The following TMCC3 variants were observed in gnomAD, a reference collection of about 807,000 sequenced individuals.
TMCC3 encodes the protein transmembrane and coiled-coil domain protein 3.
Under a neutral mutation model 40.2 loss-of-function variants are expected in TMCC3, and 28 were observed. The observed-to-expected ratio is 0.70, with a 90% CI of 0.52 to 0.95. The LOEUF (loss-of-function observed/expected upper bound fraction) is 0.95, where lower values mean the gene tolerates loss of function less well. Among genes scored for constraint, TMCC3 ranks in the 40% least tolerant of loss-of-function variants. The pLI is 0.00. For missense variants in TMCC3, 554 were observed against 615.2 expected (o/e 0.90, Z 1.05); for synonymous variants, 255 against 248.5 (o/e 1.03, Z -0.25).
At chr12:94,578,242 A>T in intron 3 of TMCC3, 152 bp downstream of exon 3, 1 of 697,136 alleles carries the variant, frequency 1.4e-6, no homozygotes, top group East Asian at 2.7e-5. Flanking sequence ...TAGTGGGGTT[A>T]ACGTGGTACA....
chr12:94,580,896 C>G (rs747580344), intron 2 of TMCC3, among the ~76,000 whole-genome samples: 9 of 152,148 alleles, frequency 5.9e-5, no homozygotes, highest in Non-Finnish European at 1.0e-4. Context: ...GACACTATAA[C>G]GGAAGTCTAC....
At chr12:94,630,456 G>A (rs78418272) in intron 1 of TMCC3, among the ~76,000 whole-genome samples, 33 of 152,218 alleles carry the variant, frequency 2.2e-4, no homozygotes, top group African/African-American at 7.9e-4. Context: ...CTGGGTTCAG[G>A]TTCTAGCCTT....
At chr12:94,577,768 T>C (rs1054682157) in intron 3 of TMCC3, among the ~76,000 whole-genome samples, 1 of 152,164 alleles carries the variant, frequency 6.6e-6, no homozygotes, top group African/African-American at 2.4e-5. Context: ...TTGTCTCCTA[T>C]TTTTACATTT....
At chr12:94,599,987 G>A (rs563103751) in intron 1 of TMCC3, among the ~76,000 whole-genome samples, 3 of 152,228 alleles carry the variant, frequency 2.0e-5, no homozygotes, top group East Asian at 1.9e-4. Flanking sequence ...CCCAAGAGTT[G>A]GAGGCCAGCC....
chr12:94,633,269 C>T (rs1230376643), intron 1 of TMCC3, among the ~76,000 whole-genome samples: 1 of 151,660 alleles, frequency 6.6e-6, no homozygotes, highest in Non-Finnish European at 1.5e-5. Flanking sequence ...AGGAATGATA[C>T]ACAGCTTCAG....
chr12:94,624,257 G>A (rs2068890926), intron 1 of TMCC3, among the ~76,000 whole-genome samples: 1 of 152,130 alleles, frequency 6.6e-6, no homozygotes, highest in African/African-American at 2.4e-5. Context: ...ATTACCATAT[G>A]ACCCAGCAAC....
intron 1 of TMCC3, among the ~76,000 whole-genome samples, chr12:94,632,783 T>C (rs1024310747): frequency 6.6e-6 from 1 of 152,162 alleles, no homozygotes; most frequent in African/African-American, 2.4e-5. Context: ...CAGTAAAATA[T>C]GAAAATGAAG....
chr12:94,586,037 A>G lies in TMCC3; in HGVS notation c.79-3499T>C, dbSNP rs145421942. On this transcript the variant is annotated intron_variant, in intron 1 of 3. Coordinates refer to ENST00000261226, the MANE Select transcript of TMCC3 (RefSeq NM_020698.4). Reference sequence around the variant, plus strand: ...AAGACACCTTTCCATTGAGCCAAAAAATCACCTCAGAAGTTCTGCTCGCAT... The same window carrying G: ...AAGACACCTTTCCATTGAGCCAAAAGATCACCTCAGAAGTTCTGCTCGCAT... Among the ~76,000 whole-genome samples the G allele has an allele frequency of 3.8e-4, 58 of 152,280 alleles. No homozygotes were observed. In the East Asian group the frequency reaches 7.1e-3, roughly 19 times the overall value.
At chr12:94,599,570 C>CACACACA (rs1555283534) in intron 1 of TMCC3, among the ~76,000 whole-genome samples, 6 of 146,368 alleles carry the variant, frequency 4.1e-5, no homozygotes, top group East Asian at 2.0e-4. Flanking sequence ...CCCCCCCCGC[C>CACACACA]CACACACACA....
At chr12:94,641,492 G>C (rs1331613576) in intron 1 of TMCC3, among the ~76,000 whole-genome samples, 1 of 152,130 alleles carries the variant, frequency 6.6e-6, no homozygotes, top group East Asian at 1.9e-4. Context: ...TTTTTCTAGG[G>C]GGACGCTTCA....
At chr12:94,583,648 A>T (rs1241084858) in intron 1 of TMCC3, among the ~76,000 whole-genome samples, 1 of 152,244 alleles carries the variant, frequency 6.6e-6, no homozygotes, top group Non-Finnish European at 1.5e-5. Flanking sequence ...CTCTAAAAGG[A>T]AAAGGCAGAA....
intron 3 of TMCC3, among the ~76,000 whole-genome samples, chr12:94,574,764 G>A (rs774695959): frequency 2.0e-5 from 3 of 152,140 alleles, no homozygotes; most frequent in Non-Finnish European, 4.4e-5. Context: ...TCAACTACTT[G>A]GGTCCAAGGT....
At chr12:94,627,302 T>C (rs1490756465) in intron 1 of TMCC3, among the ~76,000 whole-genome samples, 2 of 152,186 alleles carry the variant, frequency 1.3e-5, no homozygotes, top group African/African-American at 4.8e-5. Flanking sequence ...CATGCACAGC[T>C]GTCAGCACAC....
rs145098469 is a variant in TMCC3 at position 94,577,976 on chromosome 12, G to A, written c.1131+418C>T. ...AGCCTGGCCAACATGGTGAAACCCC[G>A]TCTCTACTAAAAATACAAAAAAATT... On this transcript the variant is annotated intron_variant, in intron 3 of 3. Transcript: ENST00000261226. 6.9e-3 allele frequency among the ~76,000 whole-genome samples: 1,044 copies of A among 151,126 alleles called. 11 individuals are homozygous for A. Among genetic ancestry groups the A allele is most frequent in the African/African-American group, 0.023 (942 of 41,160 alleles).
chr12:94,594,995 A>G (rs2068706970), intron 1 of TMCC3, among the ~76,000 whole-genome samples: 1 of 152,216 alleles, frequency 6.6e-6, no homozygotes, highest in Non-Finnish European at 1.5e-5. Context: ...CTCCTAAAGT[A>G]TAGCTTCCTA....
intron 2 of TMCC3, among the ~76,000 whole-genome samples, chr12:94,578,988 T>C (rs1307238993): frequency 6.6e-6 from 1 of 152,200 alleles, no homozygotes; most frequent in Non-Finnish European, 1.5e-5. Context: ...GCTTTTAGTA[T>C]CACCTTCTAC....
chr12:94,634,226 T>C (rs948473904), intron 1 of TMCC3, among the ~76,000 whole-genome samples: 2 of 152,094 alleles, frequency 1.3e-5, no homozygotes, highest in African/African-American at 4.8e-5. Context: ...ATTACAGGCA[T>C]GAACCACCGT....
chr12:94,629,387 C>T lies in TMCC3; in HGVS notation c.78+20966G>A, dbSNP rs150911776. Among the ~76,000 whole-genome samples the T allele has an allele frequency of 3.3e-3, 498 of 152,276 alleles. 7 individuals carry two copies. The highest frequency in any genetic ancestry group is 0.011 in the African/African-American group (474 of 41,546). ...TGGGAGGATCCATGAGAAGCCAGGA[C>T]CCCATGGAGAACTGTCCCTGCCACT... On this transcript the variant is annotated intron_variant, in intron 1 of 3. Coordinates refer to ENST00000261226, the MANE Select transcript of TMCC3 (RefSeq NM_020698.4).
intron 1 of TMCC3, among the ~76,000 whole-genome samples, chr12:94,595,157 T>A (rs1276316285): frequency 2.0e-5 from 3 of 152,222 alleles, no homozygotes; most frequent in Non-Finnish European, 4.4e-5. Context: ...CCCCTTCTTT[T>A]TCGACTTTTG....
Sources: gnomAD v4.1 joint callset for allele counts (sites outside exome capture counted in the v4.1 genomes callset) on GRCh38, gnomAD v4.1.1 for gene constraint, MANE v1.5 for transcripts, NCBI Gene and HGNC (gene_info 2026-07-23, HGNC 2026-07-21) for gene names.